PTPRT: variants seen among roughly 807,000 people sequenced by gnomAD.
PTPRT encodes the protein protein tyrosine phosphatase receptor type T.
A neutral mutation model predicts 176.8 loss-of-function variants in PTPRT; 56 were observed. The ratio of observed to expected loss-of-function variants is 0.32; its 90% CI spans 0.26 to 0.40. The LOEUF is 0.40. Ranked by LOEUF, PTPRT falls within the 10% of genes least tolerant of loss-of-function variation. The pLI is 1.00. For missense variants in PTPRT, 1,540 were observed against 1,908.2 expected, an observed-to-expected ratio of 0.81 and a Z score of 3.60; for synonymous variants, 783 against 739.0, an observed-to-expected ratio of 1.06 and a Z score of -0.96.
intron 26 of PTPRT, among the ~76,000 whole-genome samples, chr20:42,099,547 G>GGGGGGGT (rs1555863916): frequency 2.8e-5 from 1 of 35,344 alleles, no homozygotes; most frequent in Non-Finnish European, 6.8e-5. Flanking sequence ...TGGCCTGGGC[G>GGGGGGGT]GGGGGGGGGG....
chr20:42,224,635 G>A lies in PTPRT; in HGVS notation c.2342+11594C>T, dbSNP rs554696189. ...TTCCAGATGGGTGGTTCTCAACTAC[G>A]GTTTCAGATTAGAATAACCTGGGGA... On this transcript the variant is annotated intron_variant, in intron 15 of 30. Transcript: ENST00000373187. Among the ~76,000 whole-genome samples the A allele has an allele frequency of 1.2e-4, 18 of 152,254 alleles. No individual in the cohort carries two copies. The South Asian group carries it at 2.5e-3, about 21-fold the overall frequency.
At chr20:42,061,256 C>T in the PTPRT span, among the ~76,000 whole-genome samples, 12,546 of 151,962 alleles carry the variant, frequency 0.083, 688 homozygotes, top group Non-Finnish European at 0.12. Flanking sequence ...AGCATCTTAC[C>T]GTGATTTTCA....
At chr20:42,146,614 G>A (rs1988879531) in intron 17 of PTPRT, among the ~76,000 whole-genome samples, 1 of 152,102 alleles carries the variant, frequency 6.6e-6, no homozygotes, top group Admixed American at 6.5e-5. Context: ...CATAATTTTT[G>A]CAAATAGTGA....
intron 7 of PTPRT, among the ~76,000 whole-genome samples, chr20:42,475,583 T>A (rs1304899846): frequency 2.0e-5 from 3 of 152,016 alleles, no homozygotes; most frequent in Admixed American, 2.0e-4. Context: ...GTCGCCTTCA[T>A]CAGAAGTCTG....
chr20:42,100,865 G>A (rs930478458), intron 26 of PTPRT, among the ~76,000 whole-genome samples: 1 of 152,200 alleles, frequency 6.6e-6, no homozygotes, highest in African/African-American at 2.4e-5. Flanking sequence ...TGAACCCAGA[G>A]CTAGGGTTTT....
chr20:42,511,336 C>G (rs2071951936), intron 7 of PTPRT, among the ~76,000 whole-genome samples: 1 of 152,080 alleles, frequency 6.6e-6, no homozygotes, highest in South Asian at 2.1e-4. Context: ...ACAGACTTAT[C>G]CTAGCCAAGA....
chr20:42,659,194 C>T (rs2075178881), intron 7 of PTPRT, among the ~76,000 whole-genome samples: 1 of 152,104 alleles, frequency 6.6e-6, no homozygotes, highest in Admixed American at 6.5e-5. Flanking sequence ...GCACCAGGAA[C>T]TCTCTAACTC....
At chr20:42,730,397 C>T (rs987376022) in intron 6 of PTPRT, among the ~76,000 whole-genome samples, 1 of 152,136 alleles carries the variant, frequency 6.6e-6, no homozygotes, top group African/African-American at 2.4e-5. Flanking sequence ...GAGAGAGGCA[C>T]TGGAGGCCTG....
chr20:42,597,872 A>G (rs1414309422), intron 7 of PTPRT, among the ~76,000 whole-genome samples: 1 of 152,248 alleles, frequency 6.6e-6, no homozygotes, highest in African/African-American at 2.4e-5. Context: ...GACACAGATC[A>G]TCAGAGATCA....
chr20:42,202,594 A>G (rs975250972), intron 15 of PTPRT, among the ~76,000 whole-genome samples: 1 of 152,216 alleles, frequency 6.6e-6, no homozygotes, highest in Non-Finnish European at 1.5e-5. Flanking sequence ...TATTATCAAA[A>G]AGGAGTGTGT....
At chr20:43,179,275 T>C (rs774389491) in intron 1 of PTPRT, among the ~76,000 whole-genome samples, 11 of 152,216 alleles carry the variant, frequency 7.2e-5, no homozygotes, top group African/African-American at 9.6e-5. Context: ...TCAATCCATA[T>C]AATAACTTAC....
the PTPRT span, among the ~76,000 whole-genome samples, chr20:42,061,061 T>C: frequency 1.3e-5 from 2 of 152,204 alleles, no homozygotes; most frequent in South Asian, 4.1e-4. Context: ...TAAGAAGGAT[T>C]AAATTAGTGA....
chr20:42,968,303 C>A (rs1003957729), intron 1 of PTPRT, among the ~76,000 whole-genome samples: 2 of 152,156 alleles, frequency 1.3e-5, no homozygotes, highest in Non-Finnish European at 2.9e-5. Context: ...GTCCATTTCT[C>A]CATTAGCCTA....
chr20:43,186,458 A>T (rs558252439), intron 1 of PTPRT, among the ~76,000 whole-genome samples: 5 of 152,300 alleles, frequency 3.3e-5, no homozygotes, highest in Admixed American at 2.6e-4. Context: ...CCACAGCAAC[A>T]CACTGTCACG....
the PTPRT span, among the ~76,000 whole-genome samples, chr20:42,032,384 C>T: frequency 2.0e-5 from 3 of 152,108 alleles, no homozygotes; most frequent in African/African-American, 7.2e-5. Flanking sequence ...AAACTTATTT[C>T]AAGGAGAGAC....
intron 1 of PTPRT, among the ~76,000 whole-genome samples, chr20:42,999,615 T>TTTTGTTGTTGTTG (rs1555815037): frequency 2.0e-5 from 3 of 150,444 alleles, no homozygotes; most frequent in African/African-American, 4.9e-5. Context: ...TGGTTTTTTT[T>TTTTGTTGTTGTTG]TTGTTGTTGT....
chr20:42,753,331 G>T lies in PTPRT; in HGVS notation c.859+3131C>A, dbSNP rs530766087. 7.9e-5 allele frequency among the ~76,000 whole-genome samples: 12 copies of T among 152,084 alleles called. No homozygotes were observed. The South Asian group carries it at 2.5e-3, about 32-fold the overall frequency. On this transcript the variant is annotated intron_variant, in intron 6 of 30. Transcript: ENST00000373187. ...AACCAATGTACAGAGCTGCAATTAGGAAAAAATCAGGTAACATATGTTGAA... is the reference window on the plus strand; with the variant it reads ...AACCAATGTACAGAGCTGCAATTAGTAAAAAATCAGGTAACATATGTTGAA...
rs1191960390 is a variant in PTPRT, at chr20:42,756,621, C to G, written c.700G>C (p.Asp234His). 1 of 1,591,472 alleles carries G rather than the reference C, an allele frequency of 6.3e-7. No individual in the cohort carries two copies. Among genetic ancestry groups the G allele is most frequent in the South Asian group, 1.1e-5 (1 of 88,622 alleles). ...KLWLQQWNGR[D>H]TALMVTRVVN... ...ACACGGGTGACCATCAGGGCCGTGT[C>G]CCTGCCATTCCATTGCTGCAGAACA... The change falls in exon 6 of 31, where the codon GAC becomes CAC. Residue 234 changes from aspartate (D) to histidine (H), a missense_variant. By Grantham distance (81) the Asp-to-His change is moderately conservative. Coordinates refer to ENST00000373187, the MANE Select transcript of PTPRT (RefSeq NM_007050.6).
At position 42,553,120 on chromosome 20, in the gene PTPRT, C is replaced by T. The variant is rs528251376; in HGVS notation, c.1154-80558G>A. Among the ~76,000 whole-genome samples the T allele has an allele frequency of 5.3e-5, 8 of 152,124 alleles. 1 individual carries two copies. The highest frequency in any genetic ancestry group is 1.7e-4 in the African/African-American group (7 of 41,510). ...AAAGAATCATGTGAACTTGCAATGA[C>T]GCATGTACAACAATGCTCTCTGAAA... On this transcript the variant is annotated intron_variant, in intron 7 of 30. Transcript: ENST00000373187.
Sources: allele counts gnomAD v4.1 joint callset (sites outside exome capture counted in the v4.1 genomes callset), GRCh38; gene constraint gnomAD v4.1.1; transcripts MANE v1.5; gene names NCBI Gene and HGNC (gene_info 2026-07-23, HGNC 2026-07-21).